Variants in ZNF438 observed in about 807,000 individuals in gnomAD.
ZNF438 encodes zinc finger protein 438.
ZNF438 carries 25 observed loss-of-function variants against 38.0 expected under a neutral mutation model. The ratio of observed to expected loss-of-function variants is 0.66; its 90% CI spans 0.48 to 0.92. The LOEUF (loss-of-function observed/expected upper bound fraction) is 0.92. ZNF438 is among the 40% of genes least tolerant of loss of function. ZNF438 has a pLI of 0.00. For synonymous variants in ZNF438, 372 were observed against 364.1 expected, an observed-to-expected ratio of 1.02 and a Z score of -0.25; for missense variants, 1,007 against 999.6, an observed-to-expected ratio of 1.01 and a Z score of -0.10.
chr10:30,932,688 C>G (rs190468697), intron 2 of ZNF438, among the ~76,000 whole-genome samples: 1 of 152,224 alleles, frequency 6.6e-6, no homozygotes, highest in African/African-American at 2.4e-5. Context: ...GAATTATGAC[C>G]CCAAAATGAT....
At chr10:30,924,554 C>T (rs1246845686) in intron 2 of ZNF438, among the ~76,000 whole-genome samples, 2 of 152,168 alleles carry the variant, frequency 1.3e-5, no homozygotes, top group Non-Finnish European at 2.9e-5. Context: ...AGCTTTAAGA[C>T]CAGAATGGTC....
chr10:30,923,246 T>G (rs2044529021), intron 2 of ZNF438: 1 of 152,196 alleles, frequency 6.6e-6, no homozygotes, highest in African/African-American at 2.4e-5. Context: ...AAAGCTCAGG[T>G]GTTATGTCAC....
chr10:30,907,514 G>A (rs952053508), intron 3 of ZNF438, among the ~76,000 whole-genome samples: 2 of 152,130 alleles, frequency 1.3e-5, no homozygotes, highest in Non-Finnish European at 2.9e-5. Flanking sequence ...TGTGAAGGGG[G>A]AAATTTTTAA....
intron 1 of ZNF438, among the ~76,000 whole-genome samples, chr10:31,021,151 A>T (rs2056567200): frequency 6.6e-6 from 1 of 151,802 alleles, no homozygotes; most frequent in Non-Finnish European, 1.5e-5. Flanking sequence ...CCATTTTTTA[A>T]CATGTTATGA....
At chr10:30,983,461 C>T (rs1326637512) in intron 1 of ZNF438, among the ~76,000 whole-genome samples, 2 of 152,072 alleles carry the variant, frequency 1.3e-5, no homozygotes, top group Non-Finnish European at 2.9e-5. Flanking sequence ...TTTTAAACAA[C>T]CGGATCTCAT....
At chr10:30,900,224 T>C (rs1203142915) in intron 3 of ZNF438, among the ~76,000 whole-genome samples, 2 of 152,188 alleles carry the variant, frequency 1.3e-5, no homozygotes, top group Non-Finnish European at 2.9e-5. Flanking sequence ...TATCATCCTT[T>C]GTTTTTTTTC....
rs746261314 is a variant in ZNF438 at position 30,850,308 on chromosome 10, G to A, written c.97C>T (p.Gln33Ter). ...ATTTTTGGTGCAATGGTCCTAAACT[G>A]ACTCTTATTCTGCAAACCTTTCCTA... Residue 33 changes from glutamine (Q) to a stop codon, truncating the protein, a stop_gained, in exon 5 of 6, where the codon CAG becomes TAG. Coordinates refer to ENST00000413025, the Ensembl canonical transcript of ZNF438. LOFTEE classifies it high-confidence loss of function. 2.2e-5 allele frequency: 36 copies of A among 1,614,066 alleles called. No homozygotes were observed. The highest frequency in any genetic ancestry group is 4.0e-5 in the African/African-American group (3 of 74,922).
chr10:30,981,380 C>T (rs994680703), intron 1 of ZNF438, among the ~76,000 whole-genome samples: 3 of 152,170 alleles, frequency 2.0e-5, no homozygotes, highest in African/African-American at 7.2e-5. Context: ...GGAAACATGA[C>T]AGCATTTCCT....
At chr10:31,029,093 T>G (rs2057120388) in intron 1 of ZNF438, among the ~76,000 whole-genome samples, 1 of 152,220 alleles carries the variant, frequency 6.6e-6, no homozygotes, top group Admixed American at 6.5e-5. Context: ...TTACAGGGAT[T>G]CAATGCATGG....
chr10:30,881,086 G>C (rs1166547122), intron 3 of ZNF438, among the ~76,000 whole-genome samples: 4 of 152,154 alleles, frequency 2.6e-5, no homozygotes. Context: ...ACAAGAGAAG[G>C]ATATCTATTC....
In ZNF438 at chr10:30,912,656, C is replaced by T. The variant is rs60024300; in HGVS notation, c.-114-3641G>A. On this transcript the variant is annotated intron_variant, in intron 2 of 5. Coordinates refer to ENST00000413025, the Ensembl canonical transcript of ZNF438. ...GTGCATGGGCTCTGGAGGTGAACTA[C>T]GTAGATTTAAATCCTGTTTCTTCCA... is the stretch of plus-strand genomic sequence containing the variant. Among the ~76,000 whole-genome samples, 619 of 152,224 alleles carry T rather than the reference C, an allele frequency of 4.1e-3. 13 individuals carry two copies. The highest frequency in any genetic ancestry group is 0.014 in the African/African-American group (579 of 41,516).
intron 1 of ZNF438, among the ~76,000 whole-genome samples, chr10:31,024,798 A>T (rs1488150802): frequency 6.6e-6 from 1 of 152,248 alleles, no homozygotes. Flanking sequence ...CAAAAATGAA[A>T]ATTAATGTGA....
chr10:31,012,153 C>T (rs978981265), intron 1 of ZNF438, among the ~76,000 whole-genome samples: 10 of 147,946 alleles, frequency 6.8e-5, no homozygotes, highest in Admixed American at 5.4e-4. Flanking sequence ...GATGGAGTCT[C>T]GCTCTGTCGC....
At chr10:31,019,856 C>T (rs2056466278) in intron 1 of ZNF438, among the ~76,000 whole-genome samples, 1 of 152,160 alleles carries the variant, frequency 6.6e-6, no homozygotes, top group African/African-American at 2.4e-5. Context: ...AAATTTGGAA[C>T]TGTAAGTGAA....
chr10:30,849,154 A>T (rs1300914258), exon 5 of ZNF438: 1 of 1,613,632 alleles, frequency 6.2e-7, no homozygotes, highest in South Asian at 1.1e-5. Context: ...CTTGGGGATC[A>T]TTTTTTACTC....
chr10:30,858,642 T>C (rs1050685880), intron 4 of ZNF438, among the ~76,000 whole-genome samples: 3 of 152,208 alleles, frequency 2.0e-5, no homozygotes, highest in Non-Finnish European at 4.4e-5. Context: ...ATCTGCAGCA[T>C]GGAGACCTCC....
At chr10:30,864,741 T>A (rs1395761610) in intron 4 of ZNF438, among the ~76,000 whole-genome samples, 4 of 152,172 alleles carry the variant, frequency 2.6e-5, no homozygotes, top group Non-Finnish European at 5.9e-5. Context: ...AGGCCCCATC[T>A]CCTTCCTTTT....
intron 3 of ZNF438, among the ~76,000 whole-genome samples, chr10:30,890,075 G>A (rs1343433313): frequency 7.3e-6 from 1 of 137,854 alleles, no homozygotes; most frequent in Non-Finnish European, 1.5e-5. Flanking sequence ...TATTATCTTT[G>A]GCATTTCCAA....
At chr10:31,023,001 TATA>T (rs1321429157) in intron 1 of ZNF438, among the ~76,000 whole-genome samples, 2 of 152,206 alleles carry the variant, frequency 1.3e-5, no homozygotes, top group Non-Finnish European at 2.9e-5. Context: ...TGAGCCGACT[TATA>T]ATGATTTAAA....
Sources: gnomAD v4.1 joint callset for allele counts (sites outside exome capture counted in the v4.1 genomes callset) on GRCh38, gnomAD v4.1.1 for gene constraint, MANE v1.5 for transcripts, NCBI Gene and HGNC (gene_info 2026-07-23, HGNC 2026-07-21) for gene names.